AGPAT4: variants seen among roughly 807,000 people sequenced by gnomAD.
AGPAT4 encodes 1-acyl-sn-glycerol-3-phosphate acyltransferase delta.
A neutral mutation model predicts 48.0 loss-of-function variants in AGPAT4; 15 were observed. The ratio of observed to expected loss-of-function variants is 0.31; its 90% CI spans 0.21 to 0.48. The LOEUF (loss-of-function observed/expected upper bound fraction) is 0.48, where lower values mean the gene tolerates loss of function less well. Ranked by LOEUF, AGPAT4 falls within the 20% of genes least tolerant of loss-of-function variation. The pLI, the probability that AGPAT4 is intolerant of heterozygous loss-of-function variation, is 0.99. For synonymous variants in AGPAT4, 178 were observed against 198.7 expected, an observed-to-expected ratio of 0.90 and a Z score of 0.88; for missense variants, 314 against 482.5, an observed-to-expected ratio of 0.65 and a Z score of 3.27.
In AGPAT4 at chr6:161,197,374, T is replaced by A. The variant is rs1781099168; in HGVS notation, c.179-30957A>T. Among the ~76,000 whole-genome samples the A allele has an allele frequency of 6.6e-6, 1 of 152,126 alleles. No individual in the cohort carries two copies. The highest frequency in any genetic ancestry group is 6.5e-5 in the Admixed American group (1 of 15,276). On this transcript the variant is annotated intron_variant, in intron 2 of 8. Transcript: ENST00000320285. This position sits in a 1 kb window ranked among gnomAD's most constrained non-coding sequence, Gnocchi z 5.7. ...GATGGAGTAAGTACACCTGCTTATGTTTATTTCTTAACATGTTATTCCATG... is the reference window on the plus strand; with the variant it reads ...GATGGAGTAAGTACACCTGCTTATGATTATTTCTTAACATGTTATTCCATG...
In AGPAT4 at chr6:161,158,057, C is replaced by T. The variant is rs1779810932; in HGVS notation, c.349-3747G>A. 6.6e-6 allele frequency among the ~76,000 whole-genome samples: 1 copy of T among 152,216 alleles called. No homozygotes were observed. The highest frequency in any genetic ancestry group is 6.5e-5 in the Admixed American group (1 of 15,280). ...GCTATTATTTTCATCCCAGAGCAAGCAGTATCTGAACACCTCCTTATTCAA... is the reference window on the plus strand; with the variant it reads ...GCTATTATTTTCATCCCAGAGCAAGTAGTATCTGAACACCTCCTTATTCAA... On this transcript the variant is annotated intron_variant, in intron 3 of 8. Transcript: ENST00000320285. This position sits in a 1 kb window ranked among gnomAD's most constrained non-coding sequence, Gnocchi z 5.3.
rs1466311761 is a variant in AGPAT4 at position 161,249,990 on chromosome 6, T to C, written c.-89-17688A>G. ...CTGGATAAAGGAAATGTGGTACATA[T>C]ATACTGTGGAATATTATGCAACTAT... On this transcript the variant is annotated intron_variant, in intron 1 of 8. Coordinates refer to ENST00000320285, the MANE Select transcript of AGPAT4 (RefSeq NM_020133.3). This position sits in a 1 kb window ranked among gnomAD's most constrained non-coding sequence, Gnocchi z 6.2. Among the ~76,000 whole-genome samples, 1 of 152,196 alleles carries C rather than the reference T, an allele frequency of 6.6e-6. No homozygotes were observed. The highest frequency in any genetic ancestry group is 1.5e-5 in the Non-Finnish European group (1 of 68,034).
In AGPAT4 at chr6:161,272,130, C is replaced by T. The variant is rs1209959798; in HGVS notation, c.-90+1808G>A. On this transcript the variant is annotated intron_variant, in intron 1 of 8. Transcript: ENST00000320285. The surrounding 1 kb of genome is among the most constrained non-coding windows in gnomAD (Gnocchi z 4.2). ...GCCCCATTTTCAGGTAACTTTTCTA[C>T]CTGAATTACTTAGGACCTCTGGATT... is the stretch of plus-strand genomic sequence containing the variant. Among the ~76,000 whole-genome samples, 1 of 152,126 alleles carries T rather than the reference C, an allele frequency of 6.6e-6. No homozygotes were observed. The highest frequency in any genetic ancestry group is 1.5e-5 in the Non-Finnish European group (1 of 68,032).
chr6:161,138,179 G>A lies in AGPAT4; in HGVS notation c.1042+1243C>T, dbSNP rs2114948841. Among the ~76,000 whole-genome samples, 1 of 152,394 alleles carries A rather than the reference G, an allele frequency of 6.6e-6. No homozygotes were observed. Among genetic ancestry groups the A allele is most frequent in the South Asian group, 2.1e-4 (1 of 4,832 alleles). On this transcript the variant is annotated intron_variant, in intron 8 of 8. Coordinates refer to ENST00000320285, the MANE Select transcript of AGPAT4 (RefSeq NM_020133.3). This position sits in a 1 kb window ranked among gnomAD's most constrained non-coding sequence, Gnocchi z 4.8. ...GGTGCCCCTGGACCTGCCTTAAGGA[G>A]ATGAGGTGCTTTCTTCTCCAACCTC...
At chr6:161,188,556 A>G (rs1780832731) in intron 2 of AGPAT4, among the ~76,000 whole-genome samples, 1 of 152,244 alleles carries the variant, frequency 6.6e-6, no homozygotes, top group Admixed American at 6.5e-5. Context: ...ATTTTTTAGC[A>G]TAAGTATGTC....
rs1282447818 is a variant in AGPAT4, at chr6:161,219,904, CAGGCAGGCAGGCGGCA to C, written c.178+12116_178+12131del. Among the ~76,000 whole-genome samples, 495 of 134,248 alleles carry C rather than the reference CAGGCAGGCAGGCGGCA, an allele frequency of 3.7e-3. 2 individuals carry two copies. Among genetic ancestry groups the C allele is most frequent in the African/African-American group, 0.013 (413 of 31,534 alleles). 88.1% of individuals were successfully genotyped at this position (134,248 alleles called of 152,430 possible). On this transcript the variant is annotated intron_variant, in intron 2 of 8. Transcript: ENST00000320285. This position sits in a 1 kb window ranked among gnomAD's most constrained non-coding sequence, Gnocchi z 4.9. The stretch of plus-strand genomic sequence containing the variant: ...GCAGGCAGGCAGGCAGGCAGGCAGG[CAGGCAGGCAGGCGGCA>C]GGCAGGCAGGCAGGCAGGCAGGCAG...
chr6:161,207,369 G>C (rs978336254), intron 2 of AGPAT4, among the ~76,000 whole-genome samples: 1 of 152,158 alleles, frequency 6.6e-6, no homozygotes, highest in Non-Finnish European at 1.5e-5. Flanking sequence ...AAAACTCCTG[G>C]GTTACGTGAT....
Position 161,248,571 on chromosome 6 carries a change from C to CAA in AGPAT4, c.-89-16271_-89-16270dup, listed in dbSNP as rs35527158. On this transcript the variant is annotated intron_variant, in intron 1 of 8. Transcript: ENST00000320285. The stretch of plus-strand genomic sequence containing the variant: ...CCTGGGTGACAGCGAGACTCTGTCT[C>CAA]AAAAAAAAAAAAAAAAAAAAAAACT... Among the ~76,000 whole-genome samples the CAA allele has an allele frequency of 4.5e-3, 283 of 62,786 alleles. 1 individual carries two copies. The highest frequency in any genetic ancestry group is 5.6e-3 in the Non-Finnish European group (187 of 33,636). The allele number at this position is 62,786 out of a possible 152,430, so 41.2% of individuals were successfully genotyped here.
intron 1 of AGPAT4, among the ~76,000 whole-genome samples, chr6:161,256,235 G>A (rs1426173945): frequency 1.3e-5 from 2 of 152,194 alleles, no homozygotes; most frequent in African/African-American, 4.8e-5. Context: ...ATAGGCAATG[G>A]GCAAAGCTGG....
chr6:161,203,873 G>A (rs1781310822), intron 2 of AGPAT4, among the ~76,000 whole-genome samples: 1 of 152,126 alleles, frequency 6.6e-6, no homozygotes, highest in African/African-American at 2.4e-5. Context: ...TGGTTGGTTG[G>A]TTTTAGTTTC....
In AGPAT4 at chr6:161,215,830, A is replaced by T. The variant is rs866023035; in HGVS notation, c.178+16206T>A. 5.3e-5 allele frequency among the ~76,000 whole-genome samples: 8 copies of T among 152,206 alleles called. No homozygotes were observed. The highest frequency in any genetic ancestry group is 1.3e-4 in the Admixed American group (2 of 15,284). On this transcript the variant is annotated intron_variant, in intron 2 of 8. Coordinates refer to ENST00000320285, the MANE Select transcript of AGPAT4 (RefSeq NM_020133.3). The surrounding 1 kb of genome is among the most constrained non-coding windows in gnomAD (Gnocchi z 4.5). ...TTCTCCTTTTTAGGTAGATATACCC[A>T]TTATTTTATTCGTAATACAGCATTA...
intron 3 of AGPAT4, among the ~76,000 whole-genome samples, chr6:161,156,548 A>G (rs16892229): frequency 0.075 from 11,354 of 152,342 alleles, 482 homozygotes; most frequent in Middle Eastern, 0.15. Flanking sequence ...CTAAATTTTT[A>G]AAAGATCTGG....
rs1397075452 is a variant in AGPAT4, at chr6:161,204,969, T to C, written c.178+27067A>G. ...GGGTATGAACAACGACATGACGCTGTTGATGAAAAGACACTGGACAGAAAC... is the reference window on the plus strand; with the variant it reads ...GGGTATGAACAACGACATGACGCTGCTGATGAAAAGACACTGGACAGAAAC... On this transcript the variant is annotated intron_variant, in intron 2 of 8. Coordinates refer to ENST00000320285, the MANE Select transcript of AGPAT4 (RefSeq NM_020133.3). This position sits in a 1 kb window ranked among gnomAD's most constrained non-coding sequence, Gnocchi z 4.4. Among the ~76,000 whole-genome samples, 1 of 152,104 alleles carries C rather than the reference T, an allele frequency of 6.6e-6. No individual in the cohort carries two copies. The highest frequency in any genetic ancestry group is 1.5e-5 in the Non-Finnish European group (1 of 68,026).
rs907219749 is a variant in AGPAT4 at position 161,138,083 on chromosome 6, G to A, written c.1042+1339C>T. ...AAGCAGAAGGGTTGAGCTTGCCCCC[G>A]CCCTACCAGGGGCCCTGGCACCTGC... is the stretch of plus-strand genomic sequence containing the variant. On this transcript the variant is annotated intron_variant, in intron 8 of 8. Transcript: ENST00000320285. This position sits in a 1 kb window ranked among gnomAD's most constrained non-coding sequence, Gnocchi z 4.8. 5.3e-5 allele frequency among the ~76,000 whole-genome samples: 8 copies of A among 152,192 alleles called. No homozygotes were observed. The highest frequency in any genetic ancestry group is 8.8e-5 in the Non-Finnish European group (6 of 68,036).
At position 161,155,083 on chromosome 6, in the gene AGPAT4, T is replaced by C. The variant is rs1309831516; in HGVS notation, c.349-773A>G. Among the ~76,000 whole-genome samples the C allele has an allele frequency of 6.6e-6, 1 of 152,126 alleles. No individual in the cohort carries two copies. The highest frequency in any genetic ancestry group is 2.4e-5 in the African/African-American group (1 of 41,438). On this transcript the variant is annotated intron_variant, in intron 3 of 8. Transcript: ENST00000320285. The surrounding 1 kb of genome is among the most constrained non-coding windows in gnomAD (Gnocchi z 5.8). ...GCAGAAGCACCTGCCAGAGACCTTC[T>C]TGAGGCTGACGCAGGTGCACGAGCT... is the stretch of plus-strand genomic sequence containing the variant.
At chr6:161,194,490 GTA>G (rs1256289121) in intron 2 of AGPAT4, among the ~76,000 whole-genome samples, 1 of 146,128 alleles carries the variant, frequency 6.8e-6, no homozygotes, top group Non-Finnish European at 1.5e-5. Context: ...ATGTATGTGT[GTA>G]TGTGTGTGTG....
intron 1 of AGPAT4, among the ~76,000 whole-genome samples, chr6:161,241,470 G>GC (rs1424880801): frequency 6.6e-6 from 1 of 152,016 alleles, no homozygotes; most frequent in Non-Finnish European, 1.5e-5. Flanking sequence ...CCTCTTCAAA[G>GC]CCCCACTCTT....
chr6:161,138,397 G>A lies in AGPAT4; in HGVS notation c.1042+1025C>T, dbSNP rs1286058318. ...TGAATGAGCTAGGTTTATGTGCTGTGACCTGTTTTGGTGGTTATGATTCAT... is the reference window on the plus strand; with the variant it reads ...TGAATGAGCTAGGTTTATGTGCTGTAACCTGTTTTGGTGGTTATGATTCAT... On this transcript the variant is annotated intron_variant, in intron 8 of 8. Transcript: ENST00000320285. The surrounding 1 kb of genome is among the most constrained non-coding windows in gnomAD (Gnocchi z 4.8). Among the ~76,000 whole-genome samples, 17 of 152,186 alleles carry A rather than the reference G, an allele frequency of 1.1e-4. No homozygotes were observed. Among genetic ancestry groups the A allele is most frequent in the Admixed American group, 1.1e-3 (17 of 15,282 alleles).
rs555685892 is a variant in AGPAT4 at position 161,143,259 on chromosome 6, G to T, written c.843+3265C>A. On this transcript the variant is annotated intron_variant, in intron 7 of 8. Transcript: ENST00000320285. The surrounding 1 kb of genome is among the most constrained non-coding windows in gnomAD (Gnocchi z 4.7). Reference sequence around the variant, plus strand: ...AGCTAGTTTGTAAAATTTTTTTGTAGAGACGGGTTCCCATTATGTTGCCCA... The same window carrying T: ...AGCTAGTTTGTAAAATTTTTTTGTATAGACGGGTTCCCATTATGTTGCCCA... Among the ~76,000 whole-genome samples the T allele has an allele frequency of 3.3e-5, 5 of 152,272 alleles. No individual in the cohort carries two copies. In the South Asian group the frequency reaches 1.0e-3, roughly 32 times the overall value.
Sources: allele counts gnomAD v4.1 joint callset (sites outside exome capture counted in the v4.1 genomes callset), GRCh38; gene constraint gnomAD v4.1.1; non-coding constraint Gnocchi (gnomAD v3.1); transcripts MANE v1.5; gene names NCBI Gene and HGNC (gene_info 2026-07-23, HGNC 2026-07-21).